The following ACOT12 variants were observed in gnomAD, a reference collection of about 807,000 sequenced individuals.
The protein encoded by ACOT12 is acetyl-coenzyme A thioesterase.
Under a neutral mutation model 67.7 loss-of-function variants are expected in ACOT12, and 51 were observed. That is an observed-to-expected ratio of 0.75 (90% CI 0.60 to 0.95). The LOEUF (loss-of-function observed/expected upper bound fraction) is 0.95, where lower values mean the gene tolerates loss of function less well. Ranked by LOEUF, ACOT12 falls within the 40% of genes least tolerant of loss-of-function variation. ACOT12 has a pLI of 0.00. For synonymous variants in ACOT12, 251 were observed against 244.6 expected, an observed-to-expected ratio of 1.03 and a Z score of -0.24; for missense variants, 734 against 708.1, an observed-to-expected ratio of 1.04 and a Z score of -0.41.
intron 4 of ACOT12, among the ~76,000 whole-genome samples, chr5:81,361,536 G>A (rs933513489): frequency 1.3e-5 from 2 of 152,100 alleles, no homozygotes; most frequent in Non-Finnish European, 2.9e-5. Context: ...TTTTAGTTGT[G>A]TGACTAGCAG....
chr5:81,365,747 AAAC>A (rs1265884398), intron 3 of ACOT12, among the ~76,000 whole-genome samples: 1 of 152,236 alleles, frequency 6.6e-6, no homozygotes, highest in Non-Finnish European at 1.5e-5. Context: ...AAGGCGGGAA[AAAC>A]AACGAGAGCA....
intron 12 of ACOT12, 113 bp downstream of exon 12, chr5:81,335,655 T>C (rs1244194829): frequency 1.9e-5 from 25 of 1,310,964 alleles, no homozygotes; most frequent in Non-Finnish European, 2.5e-5. Flanking sequence ...CTTCTAAAAA[T>C]ACTCTTTAAA....
At chr5:81,326,117 C>G (rs75770152), downstream of ACOT12, among the ~76,000 whole-genome samples, 1 of 77,032 alleles carries the variant, frequency 1.3e-5, no homozygotes, top group Non-Finnish European at 2.3e-5. Context: ...CCCTGAGATT[C>G]TTTTTTTTTT....
intron 3 of ACOT12, among the ~76,000 whole-genome samples, chr5:81,368,346 T>C (rs1268934593): frequency 2.0e-5 from 3 of 152,126 alleles, no homozygotes; most frequent in African/African-American, 7.2e-5. Flanking sequence ...TGAACCAAGT[T>C]AGGCTAACTG....
chr5:81,385,866 T>C, intron 1 of ACOT12, 40 bp from the exon 2 acceptor site: 1 of 1,572,098 alleles, frequency 6.4e-7, no homozygotes, highest in Non-Finnish European at 8.7e-7. Context: ...TTAGTGGTGA[T>C]ATGAGAATAT....
chr5:81,348,036 TA>T, intron 5 of ACOT12, 106 bp from the exon 6 acceptor site: 2 of 1,286,554 alleles, frequency 1.6e-6, no homozygotes, highest in South Asian at 1.5e-5. Context: ...ATAGAAAAAT[TA>T]AAGTGTTCTC....
intron 11 of ACOT12, among the ~76,000 whole-genome samples, chr5:81,340,636 A>T (rs781140615): frequency 2.0e-5 from 3 of 152,234 alleles, no homozygotes; most frequent in Non-Finnish European, 4.4e-5. Context: ...TTGGGATTAC[A>T]GGCGTCAGCC....
At chr5:81,338,744 G>A (rs1434781467) in intron 11 of ACOT12, among the ~76,000 whole-genome samples, 1 of 152,154 alleles carries the variant, frequency 6.6e-6, no homozygotes, top group African/African-American at 2.4e-5. Context: ...CATTTTATTA[G>A]TGATATCATT....
At chr5:81,366,273 G>C (rs997633255) in intron 3 of ACOT12, among the ~76,000 whole-genome samples, 1 of 152,046 alleles carries the variant, frequency 6.6e-6, no homozygotes, top group Non-Finnish European at 1.5e-5. Flanking sequence ...TATAACAAAA[G>C]CCAGCACTAA....
chr5:81,356,817 C>T (rs1232234965), intron 5 of ACOT12, among the ~76,000 whole-genome samples: 1 of 151,960 alleles, frequency 6.6e-6, no homozygotes, highest in Admixed American at 6.6e-5. Context: ...TCTCTCCCCA[C>T]TATCACTGCC....
In ACOT12 at chr5:81,332,520, C is replaced by A. The variant is rs765750902; in HGVS notation, c.1348G>T (p.Asp450Tyr). ...CTTCGTGATACGAGTACTACCAAGT[C>A]TTTGGGTTTGTCATCATTCAGTATA... The part of the protein sequence containing the change: ...CPILNDDKPK[D>Y]LVVLVSRRKP... Residue 450 changes from aspartate to tyrosine, a missense_variant, in exon 13 of 15, where the codon GAC becomes TAC. Coordinates refer to ENST00000307624, the MANE Select transcript of ACOT12 (RefSeq NM_130767.3). 2.5e-6 allele frequency: 4 copies of A among 1,613,954 alleles called. No homozygotes were observed. The Admixed American group carries it at 5.0e-5, about 20-fold the overall frequency.
chr5:81,375,439 G>C (rs1045415156), intron 2 of ACOT12, among the ~76,000 whole-genome samples: 5 of 151,962 alleles, frequency 3.3e-5, no homozygotes, highest in Admixed American at 1.3e-4. Context: ...TCAACTAACA[G>C]GCAAAAGAAT....
intron 5 of ACOT12, among the ~76,000 whole-genome samples, chr5:81,352,410 GA>G (rs1281102638): frequency 1.3e-5 from 2 of 152,124 alleles, no homozygotes; most frequent in Non-Finnish European, 2.9e-5. Context: ...ATACACAACA[GA>G]ATACTATTCA....
At chr5:81,328,384 A>T (rs1013208534), downstream of ACOT12, among the ~76,000 whole-genome samples, 1 of 152,196 alleles carries the variant, frequency 6.6e-6, no homozygotes, top group East Asian at 1.9e-4. Flanking sequence ...CGTGCCTAAG[A>T]TGTGTCTAGC....
intron 2 of ACOT12, among the ~76,000 whole-genome samples, chr5:81,382,465 C>T (rs572775032): frequency 2.6e-5 from 4 of 152,208 alleles, no homozygotes; most frequent in Admixed American, 6.5e-5. Context: ...GAAGAAGCTC[C>T]CACTGCTCAA....
downstream of ACOT12, among the ~76,000 whole-genome samples, chr5:81,328,742 G>T (rs1271951840): frequency 1.3e-5 from 2 of 152,112 alleles, no homozygotes; most frequent in Non-Finnish European, 2.9e-5. Flanking sequence ...TTAAAAAAGG[G>T]GTAGAAGGGA....
At chr5:81,368,465 AT>A (rs1221403387) in intron 3 of ACOT12, among the ~76,000 whole-genome samples, 1 of 152,128 alleles carries the variant, frequency 6.6e-6, no homozygotes, top group East Asian at 1.9e-4. Context: ...GTCTAAATAA[AT>A]TTAAAATAAT....
downstream of ACOT12, among the ~76,000 whole-genome samples, chr5:81,325,017 G>A (rs74811490): frequency 0.015 from 2,287 of 152,266 alleles, 46 homozygotes; most frequent in African/African-American, 0.052. Flanking sequence ...ACCTGTGGTT[G>A]TGAAAATTAA....
At chr5:81,373,691 G>A (rs1024599294) in intron 2 of ACOT12, among the ~76,000 whole-genome samples, 13 of 152,120 alleles carry the variant, frequency 8.5e-5, no homozygotes, top group African/African-American at 2.9e-4. Flanking sequence ...GGGGAGGGGC[G>A]TCCACCATTG....
Sources: allele counts gnomAD v4.1 joint callset (sites outside exome capture counted in the v4.1 genomes callset), GRCh38; gene constraint gnomAD v4.1.1; transcripts MANE v1.5; gene names NCBI Gene and HGNC (gene_info 2026-07-23, HGNC 2026-07-21).